The following CD300A variants were observed in gnomAD, a reference collection of about 807,000 sequenced individuals.
CD300A encodes CMRF35-like molecule 8.
CD300A carries 22 observed loss-of-function variants against 33.6 expected under a neutral mutation model. That is an observed-to-expected ratio of 0.66 (90% CI 0.47 to 0.94). The LOEUF (loss-of-function observed/expected upper bound fraction) is 0.94, where lower values mean the gene tolerates loss of function less well. CD300A is among the 40% of genes least tolerant of loss of function. The pLI, the probability that CD300A is intolerant of heterozygous loss-of-function variation, is 0.00. For missense variants in CD300A, 326 were observed against 360.5 expected, an observed-to-expected ratio of 0.90 and a Z score of 0.77; for synonymous variants, 136 against 148.1, an observed-to-expected ratio of 0.92 and a Z score of 0.59.
intron 3 of CD300A, among the ~76,000 whole-genome samples, chr17:74,477,170 C>A (rs77622150): frequency 6.6e-6 from 1 of 151,894 alleles, no homozygotes; most frequent in African/African-American, 2.4e-5. Context: ...AGTCTGAGAC[C>A]ATCCTGGGCA....
At chr17:74,483,856 A>C in intron 6 of CD300A, 145 bp from the exon 7 acceptor site, 2 of 809,542 alleles carry the variant, frequency 2.5e-6, no homozygotes, top group Non-Finnish European at 3.8e-6. Context: ...ACAGGATCAT[A>C]GAGAAAAAGA....
In CD300A at chr17:74,480,900, C is replaced by T. The variant is rs1181258938; in HGVS notation, c.629-389C>T. Among the ~76,000 whole-genome samples, 1 of 152,148 alleles carries T rather than the reference C, an allele frequency of 6.6e-6. No homozygotes were observed. The highest frequency in any genetic ancestry group is 2.4e-5 in the African/African-American group (1 of 41,436). On this transcript the variant is annotated intron_variant, in intron 4 of 6. Transcript: ENST00000360141. The surrounding 1 kb of genome is among the most constrained non-coding windows in gnomAD (Gnocchi z 4.2). ...GTAGCTGGGACTACAGGGCGTGTGC[C>T]ACCATGCCCAGCTAATATTTGTATT... is the stretch of plus-strand genomic sequence containing the variant.
intron 1 of CD300A, among the ~76,000 whole-genome samples, chr17:74,472,612 CTTT>C (rs543193668): frequency 7.0e-6 from 1 of 142,410 alleles, no homozygotes; most frequent in Admixed American, 7.0e-5. Flanking sequence ...GTTTGTGACT[CTTT>C]TTTTTTTTTT....
chr17:74,483,855 T>C (rs376875128), intron 6 of CD300A, 146 bp from the exon 7 acceptor site: 13 of 806,300 alleles, frequency 1.6e-5, no homozygotes, highest in African/African-American at 1.2e-4. Context: ...GACAGGATCA[T>C]AGAGAAAAAG....
chr17:74,470,793 C>T (rs887994570), intron 1 of CD300A, among the ~76,000 whole-genome samples: 3 of 148,790 alleles, frequency 2.0e-5, no homozygotes, highest in East Asian at 4.1e-4. Flanking sequence ...GGAATACAGG[C>T]ACGTGCCACC....
chr17:74,483,934 C>A (rs1049203401), intron 6 of CD300A, 67 bp from the exon 7 acceptor site: 3 of 1,582,104 alleles, frequency 1.9e-6, no homozygotes, highest in African/African-American at 2.7e-5. Context: ...CCTCCTCCAT[C>A]CTATGTTGGG....
Position 74,481,000 on chromosome 17 carries a change from C to T in CD300A, c.629-289C>T, listed in dbSNP as rs1399120306. Among the ~76,000 whole-genome samples, 1 of 152,176 alleles carries T rather than the reference C, an allele frequency of 6.6e-6. No homozygotes were observed. Among genetic ancestry groups the T allele is most frequent in the South Asian group, 2.1e-4 (1 of 4,828 alleles). ...CTGACCTCAAGTGATCTGCCCTCCT[C>T]GGCTTCCCAAAGCACTGGGATTACA... On this transcript the variant is annotated intron_variant, in intron 4 of 6. Transcript: ENST00000360141. The surrounding 1 kb of genome is among the most constrained non-coding windows in gnomAD (Gnocchi z 4.2).
Position 74,484,221 on chromosome 17 carries a change from C to A in CD300A, c.*95C>A. ...TGGCCCACGTCCTTCTCAGCCTGCC[C>A]TCGACAACAGTGACCAACAGACAGG... On this transcript the variant is annotated 3_prime_UTR_variant, in exon 7 of 7. Transcript: ENST00000360141. The A allele has an allele frequency of 7.2e-7, 1 of 1,384,102 alleles. No homozygotes were observed. The highest frequency in any genetic ancestry group is 1.0e-6 in the Non-Finnish European group (1 of 1,003,414). 85.7% of individuals were successfully genotyped at this position (1,384,102 alleles called of 1,614,324 possible). A position where few individuals can be genotyped will look rare whatever the true frequency, so the allele number is the denominator to read the frequency against.
At chr17:74,482,224 G>A (rs145185357) in intron 6 of CD300A, among the ~76,000 whole-genome samples, 5 of 152,088 alleles carry the variant, frequency 3.3e-5, no homozygotes, top group South Asian at 4.1e-4. Flanking sequence ...ACCCTTGGGC[G>A]CAGCCACCTT....
upstream of CD300A, chr17:74,466,493 G>A (rs1905713353): frequency 3.3e-6 from 2 of 608,848 alleles, no homozygotes; most frequent in East Asian, 2.8e-5. Flanking sequence ...GCGTTAAGGA[G>A]GACGTGCCGT....
intron 6 of CD300A, among the ~76,000 whole-genome samples, chr17:74,482,787 T>G (rs1039079479): frequency 6.7e-6 from 1 of 149,572 alleles, no homozygotes; most frequent in South Asian, 2.1e-4. Flanking sequence ...CTTGGCTCAC[T>G]GCAATCTCTG....
At chr17:74,472,655 G>T (rs1906180892) in intron 1 of CD300A, among the ~76,000 whole-genome samples, 1 of 151,416 alleles carries the variant, frequency 6.6e-6, no homozygotes, top group South Asian at 2.1e-4. Flanking sequence ...TGTCACTCAG[G>T]CTGGAGTGCA....
At chr17:74,481,553 C>A in intron 5 of CD300A, 173 bp from the exon 6 acceptor site, 1 of 657,382 alleles carries the variant, frequency 1.5e-6, no homozygotes, top group Non-Finnish European at 2.6e-6. Flanking sequence ...GCCCTCCCAG[C>A]CAAGCTGACC....
At position 74,474,635 on chromosome 17, in the gene CD300A, C is replaced by T. The variant is rs1906344201; in HGVS notation, c.483C>T (p.Ala161=). Residue 161 remains alanine, a synonymous_variant, in exon 3 of 7, where the codon GCC becomes GCT. Transcript: ENST00000360141. Reference sequence around the variant, plus strand: ...CCACTACCCTGTTTGCAGTGGGTGCCACCCACAGTGCCAGCATCCAGGAGG... The same window carrying T: ...CCACTACCCTGTTTGCAGTGGGTGCTACCCACAGTGCCAGCATCCAGGAGG... ...VSSTTLFAVG[A]THSASIQEET... is the part of the protein sequence containing the mutation. The T allele has an allele frequency of 6.2e-7, 1 of 1,614,180 alleles. No homozygotes were observed. The highest frequency in any genetic ancestry group is 1.7e-4 in the Middle Eastern group (1 of 6,060).
intron 4 of CD300A, among the ~76,000 whole-genome samples, chr17:74,478,062 A>G (rs1272443747): frequency 6.6e-6 from 1 of 152,154 alleles, no homozygotes; most frequent in Non-Finnish European, 1.5e-5. Flanking sequence ...CACCCTGGAA[A>G]CCAACTTCTT....
chr17:74,470,656 T>C (rs1906038841), intron 1 of CD300A, among the ~76,000 whole-genome samples: 1 of 141,718 alleles, frequency 7.1e-6, no homozygotes, highest in Non-Finnish European at 1.5e-5. Flanking sequence ...CAGTTTTTAT[T>C]TATTTTTTTT....
At chr17:74,474,808 G>C (rs1320676908) in intron 3 of CD300A, 123 bp downstream of exon 3, 12 of 1,043,754 alleles carry the variant, frequency 1.1e-5, no homozygotes, top group Admixed American at 2.9e-5. Context: ...CCAGGCCCAG[G>C]TTGGAAGCCA....
At chr17:74,468,021 A>G (rs1303862673) in intron 1 of CD300A, among the ~76,000 whole-genome samples, 1 of 150,604 alleles carries the variant, frequency 6.6e-6, no homozygotes, top group Non-Finnish European at 1.5e-5. Context: ...TTATTTATTT[A>G]TTTATTTATT....
At position 74,473,806 on chromosome 17, in the gene CD300A, G is replaced by A; in HGVS notation, c.311G>A (p.Gly104Glu). ...GAGGATGCAGGCACCTACTGGTGTG[G>A]GGTGGATACACCATGGCTCCGAGAC... ...TEEDAGTYWC[G>E]VDTPWLRDFH... The change falls in exon 2 of 7, where the codon GGG becomes GAG. Residue 104 changes from glycine to glutamate, a missense_variant. Transcript: ENST00000360141. 1 of 1,614,212 alleles carries A rather than the reference G, an allele frequency of 6.2e-7. No individual in the cohort carries two copies.
Sources: allele counts gnomAD v4.1 joint callset (sites outside exome capture counted in the v4.1 genomes callset), GRCh38; gene constraint gnomAD v4.1.1; non-coding constraint Gnocchi (gnomAD v3.1); transcripts MANE v1.5; gene names NCBI Gene and HGNC (gene_info 2026-07-23, HGNC 2026-07-21).